HEG1: variants seen among roughly 807,000 people sequenced by gnomAD.
The protein encoded by HEG1 is heart development protein with EGF like domains 1, also known as protein HEG homolog 1.
Under a neutral mutation model 125.6 loss-of-function variants are expected in HEG1, and 56 were observed. The observed-to-expected ratio is 0.45, with a 90% confidence interval of 0.36 to 0.56. The LOEUF (loss-of-function observed/expected upper bound fraction) is 0.56. Among genes scored for constraint, HEG1 ranks in the 20% least tolerant of loss-of-function variants. HEG1 has a pLI of 0.00. For synonymous variants in HEG1, 644 were observed against 668.5 expected, an observed-to-expected ratio of 0.96 and a Z score of 0.57; for missense variants, 1,523 against 1,670.0, an observed-to-expected ratio of 0.91 and a Z score of 1.53.
At chr3:124,997,933 G>A (rs1936947270) in intron 11 of HEG1, 110 bp from the exon 12 acceptor site, 1 of 1,271,616 alleles carries the variant, frequency 7.9e-7, no homozygotes, top group Non-Finnish European at 1.0e-6. Flanking sequence ...TCTATTTCAA[G>A]AGGCTGAGAA....
chr3:124,970,823 A>G, intron 16 of HEG1, 22 bp from the exon 17 acceptor site: 1 of 1,594,744 alleles, frequency 6.3e-7, no homozygotes, highest in Non-Finnish European at 8.5e-7. Flanking sequence ...AGAGAAAAGA[A>G]GAAAAGTCAA....
chr3:125,037,667 C>A (rs1579434370), intron 1 of HEG1, among the ~76,000 whole-genome samples: 1 of 152,350 alleles, frequency 6.6e-6, no homozygotes, highest in East Asian at 1.9e-4. Flanking sequence ...AAAGAGCTGC[C>A]TTCTGTGGTT....
chr3:125,034,825 A>C (rs1266317529), intron 1 of HEG1, among the ~76,000 whole-genome samples: 1 of 152,202 alleles, frequency 6.6e-6, no homozygotes, highest in Non-Finnish European at 1.5e-5. Context: ...ATTAGAAAAT[A>C]AATGATAACA....
intron 5 of HEG1, chr3:125,014,832 T>C (rs1248010984): frequency 7.8e-7 from 1 of 1,289,794 alleles, no homozygotes; most frequent in South Asian, 1.2e-5. Flanking sequence ...GCTGCCTGCT[T>C]CCCCAGAAGT....
At chr3:125,018,864 CTT>C (rs755310479) in intron 5 of HEG1, among the ~76,000 whole-genome samples, 35 of 119,584 alleles carry the variant, frequency 2.9e-4, no homozygotes, top group African/African-American at 9.9e-4. Context: ...TTCATGCATG[CTT>C]TTTTTTTTTT....
chr3:125,003,807 A>T (rs1235240581), intron 9 of HEG1, among the ~76,000 whole-genome samples: 1 of 152,194 alleles, frequency 6.6e-6, no homozygotes, highest in African/African-American at 2.4e-5. Flanking sequence ...CGACAGCTGG[A>T]AGCTCTGCCT....
chr3:124,980,996 G>A (rs937250431), intron 14 of HEG1, among the ~76,000 whole-genome samples: 10 of 151,338 alleles, frequency 6.6e-5, no homozygotes, highest in African/African-American at 2.4e-4. Flanking sequence ...CTGGGACCAC[G>A]GGCGCAACTA....
chr3:125,004,761 A>C (rs1318877569), intron 9 of HEG1, among the ~76,000 whole-genome samples: 1 of 152,198 alleles, frequency 6.6e-6, no homozygotes, highest in Admixed American at 6.5e-5. Context: ...GAGGGAAAGA[A>C]GCAGAATCAA....
At chr3:125,041,002 C>T (rs13067154) in intron 1 of HEG1, among the ~76,000 whole-genome samples, 28,741 of 152,164 alleles carry the variant, frequency 0.19, 3,375 homozygotes, top group Non-Finnish European at 0.27. Flanking sequence ...GAAGTGGAGA[C>T]TGAGGCTCAG....
chr3:125,046,317 C>T (rs4679276), intron 1 of HEG1, among the ~76,000 whole-genome samples: 16,933 of 151,826 alleles, frequency 0.11, 1,158 homozygotes, highest in Non-Finnish European at 0.15. Context: ...TCCATCAATA[C>T]TGTTATTGCT....
intron 1 of HEG1, among the ~76,000 whole-genome samples, chr3:125,038,270 C>T (rs986256491): frequency 2.6e-5 from 4 of 152,266 alleles, no homozygotes; most frequent in South Asian, 2.1e-4. Context: ...TTCCACTCCA[C>T]GACACCTCTC....
chr3:125,010,415 A>G (rs1234191722), intron 7 of HEG1, 24 bp downstream of exon 7: 1 of 1,457,722 alleles, frequency 6.9e-7, no homozygotes, highest in Admixed American at 2.0e-5. Flanking sequence ...GGTGCAGACC[A>G]CTGGGCGTTA....
At chr3:125,021,221 T>C (rs1288549885) in intron 3 of HEG1, 91 bp from the exon 4 acceptor site, 1 of 969,680 alleles carries the variant, frequency 1.0e-6, no homozygotes, top group African/African-American at 1.7e-5. Flanking sequence ...TCTTACATTT[T>C]GGTGGATACA....
chr3:125,002,597 A>G (rs1937016693), intron 9 of HEG1, among the ~76,000 whole-genome samples: 1 of 152,206 alleles, frequency 6.6e-6, no homozygotes, highest in Non-Finnish European at 1.5e-5. Flanking sequence ...ATCTTCAAAG[A>G]AGCAGCTCTC....
intron 8 of HEG1, 94 bp from the exon 9 acceptor site, chr3:125,005,462 C>T: frequency 1.6e-6 from 1 of 632,446 alleles, no homozygotes; most frequent in Non-Finnish European, 2.7e-6. Flanking sequence ...GGCTTTACTC[C>T]ACCTCACAGG....
chr3:125,020,862 C>T lies in HEG1; in HGVS notation c.1182G>A (p.Glu394=), dbSNP rs113503641. Residue 394 remains glutamate, a synonymous_variant, in exon 4 of 17, where the codon GAG becomes GAA. Coordinates refer to ENST00000311127, the MANE Select transcript of HEG1 (RefSeq NM_020733.2). ...NSRVTGNPGD[E]EFIEPSTENE... is the part of the protein sequence containing the mutation. ...TTTCTGTGGATGGTTCAATGAATTCCTCATCCCCTGGATTCCCAGTTACTC... is the reference window on the plus strand; with the variant it reads ...TTTCTGTGGATGGTTCAATGAATTCTTCATCCCCTGGATTCCCAGTTACTC... 10,927 of 1,613,992 alleles carry T rather than the reference C, an allele frequency of 6.8e-3. 48 individuals carry two copies. Among genetic ancestry groups the T allele is most frequent in the Non-Finnish European group, 7.9e-3 (9,345 of 1,179,868 alleles).
chr3:125,001,801 G>A, intron 11 of HEG1, 51 bp downstream of exon 11: 1 of 1,577,248 alleles, frequency 6.3e-7, no homozygotes, highest in Non-Finnish European at 8.6e-7. Flanking sequence ...TCCATCTTAG[G>A]TCTGTGCCTA....
At chr3:125,015,152 C>T (rs1937226259) in intron 5 of HEG1, 1 of 458,166 alleles carries the variant, frequency 2.2e-6, no homozygotes, top group South Asian at 2.9e-5. Context: ...TGTCTGTTGC[C>T]CTTGCAAACA....
chr3:125,043,272 T>C (rs1642861446), intron 1 of HEG1, among the ~76,000 whole-genome samples: 1 of 152,116 alleles, frequency 6.6e-6, no homozygotes, highest in Non-Finnish European at 1.5e-5. Flanking sequence ...GGCCTGGAGC[T>C]CCCAAGTCAG....
Sources: allele counts gnomAD v4.1 joint callset (sites outside exome capture counted in the v4.1 genomes callset), GRCh38; gene constraint gnomAD v4.1.1; transcripts MANE v1.5; gene names NCBI Gene and HGNC (gene_info 2026-07-23, HGNC 2026-07-21).